TOP6BL: variants seen among roughly 807,000 people sequenced by gnomAD.
TOP6BL encodes the protein type 2 DNA topoisomerase 6 subunit B-like.
the TOP6BL span, among the ~76,000 whole-genome samples, chr11:66,780,050 C>A: frequency 0.011 from 1,615 of 151,632 alleles, 36 homozygotes; most frequent in African/African-American, 0.036. Flanking sequence ...AGGAGATATA[C>A]CTAATGTTAA....
At chr11:66,769,935 T>C in the TOP6BL span, among the ~76,000 whole-genome samples, 1 of 150,950 alleles carries the variant, frequency 6.6e-6, no homozygotes, top group Non-Finnish European at 1.5e-5. Context: ...TTAGTAGAAA[T>C]GGGGTTTCAC....
chr11:66,782,799 T>C, the TOP6BL span, among the ~76,000 whole-genome samples: 1 of 152,194 alleles, frequency 6.6e-6, no homozygotes, highest in Non-Finnish European at 1.5e-5. Flanking sequence ...TACATAGTTT[T>C]GCTATGTGTT....
chr11:66,782,232 G>A, the TOP6BL span, among the ~76,000 whole-genome samples: 212 of 152,294 alleles, frequency 1.4e-3, no homozygotes, highest in African/African-American at 4.5e-3. Flanking sequence ...ATCTCAGCTA[G>A]ACACCAGCAG....
At chr11:66,815,337 G>A in the TOP6BL span, among the ~76,000 whole-genome samples, 1 of 152,088 alleles carries the variant, frequency 6.6e-6, no homozygotes, top group Non-Finnish European at 1.5e-5. Context: ...TACTCTAAAG[G>A]ACAGAACCAG....
the TOP6BL span, among the ~76,000 whole-genome samples, chr11:66,775,624 T>G: frequency 2.1e-4 from 32 of 152,310 alleles, no homozygotes; most frequent in South Asian, 6.0e-3. Flanking sequence ...GGGTACTCCT[T>G]TAGCCCAGGT....
At chr11:66,766,861 A>G in the TOP6BL span, among the ~76,000 whole-genome samples, 2 of 152,296 alleles carry the variant, frequency 1.3e-5, no homozygotes, top group African/African-American at 2.4e-5. Context: ...CATGTCTAAC[A>G]TGGGGTTCAG....
chr11:66,771,193 T>G, the TOP6BL span: 1 of 151,148 alleles, frequency 6.6e-6, no homozygotes, highest in African/African-American at 2.4e-5. Context: ...AGAGATGAGG[T>G]CTTGCTATGT....
At chr11:66,778,743 C>T in the TOP6BL span, among the ~76,000 whole-genome samples, 5 of 152,244 alleles carry the variant, frequency 3.3e-5, no homozygotes, top group African/African-American at 9.6e-5. Context: ...GGAGGCATCA[C>T]GCTACCTGAC....
the TOP6BL span, chr11:66,761,650 C>A: frequency 6.2e-4 from 711 of 1,145,992 alleles, 4 homozygotes; most frequent in African/African-American, 0.01. Context: ...CTGTGCGAAG[C>A]TCCACCAACT....
the TOP6BL span, among the ~76,000 whole-genome samples, chr11:66,822,135 C>T: frequency 6.6e-6 from 1 of 152,240 alleles, no homozygotes; most frequent in Non-Finnish European, 1.5e-5. Flanking sequence ...ATTCTTTACA[C>T]CACCACTTTC....
chr11:66,819,014 A>G, the TOP6BL span, among the ~76,000 whole-genome samples: 1 of 152,230 alleles, frequency 6.6e-6, no homozygotes, highest in Non-Finnish European at 1.5e-5. Context: ...CACATCTGGT[A>G]ATTTAAGACT....
the TOP6BL span, among the ~76,000 whole-genome samples, chr11:66,792,422 T>C: frequency 6.6e-6 from 1 of 152,326 alleles, no homozygotes; most frequent in African/African-American, 2.4e-5. Context: ...TAAATGCATA[T>C]ATTGAGTAGC....
chr11:66,772,547 T>C, the TOP6BL span, among the ~76,000 whole-genome samples: 1 of 152,210 alleles, frequency 6.6e-6, no homozygotes, highest in Non-Finnish European at 1.5e-5. Context: ...GGCGGGCAGA[T>C]CATCTGAAGT....
At chr11:66,804,083 G>A in the TOP6BL span, 65 of 1,613,902 alleles carry the variant, frequency 4.0e-5, no homozygotes, top group African/African-American at 7.7e-4. Flanking sequence ...CCCTGAAGAC[G>A]TGGCTGGCAT....
At chr11:66,746,405 G>A in the TOP6BL span, among the ~76,000 whole-genome samples, 7 of 151,916 alleles carry the variant, frequency 4.6e-5, no homozygotes, top group African/African-American at 1.7e-4. Context: ...TGGCTAACAT[G>A]AGGAAACTCC....
At chr11:66,771,718 T>C in the TOP6BL span, 74 of 158,818 alleles carry the variant, frequency 4.7e-4, 2 homozygotes, top group East Asian at 0.013. Context: ...TGTTGGCTGG[T>C]CTCAGAAGCA....
At chr11:66,793,656 C>T in the TOP6BL span, among the ~76,000 whole-genome samples, 1 of 149,656 alleles carries the variant, frequency 6.7e-6, no homozygotes, top group Non-Finnish European at 1.5e-5. Flanking sequence ...TCTTGGCCAG[C>T]CCTGGTCTTG....
At chr11:66,777,766 G>C in the TOP6BL span, among the ~76,000 whole-genome samples, 3 of 151,990 alleles carry the variant, frequency 2.0e-5, no homozygotes, top group African/African-American at 7.2e-5. Context: ...CAGCTACTCG[G>C]GAGGCTGAGG....
At chr11:66,809,259 C>T in the TOP6BL span, among the ~76,000 whole-genome samples, 1 of 152,200 alleles carries the variant, frequency 6.6e-6, no homozygotes, top group African/African-American at 2.4e-5. Context: ...TAAAATCAGT[C>T]AGGAGGACAA....
Sources: gnomAD v4.1 joint callset for allele counts (sites outside exome capture counted in the v4.1 genomes callset) on GRCh38, gnomAD v4.1.1 for gene constraint, MANE v1.5 for transcripts, NCBI Gene and HGNC (gene_info 2026-07-23, HGNC 2026-07-21) for gene names.